The following PKHD1 variants were observed in gnomAD, a reference collection of about 807,000 sequenced individuals.
The protein encoded by PKHD1 is fibrocystin.
In PKHD1, 291 loss-of-function variants were observed where a neutral mutation model predicts 412.0. The observed-to-expected ratio is 0.71, with a 90% CI of 0.64 to 0.78. PKHD1 has a LOEUF of 0.78. PKHD1 is among the 30% of genes least tolerant of loss of function. The probability of loss-of-function intolerance (pLI) is 0.00; values close to 1 mark genes in which losing one functional copy is unlikely to be tolerated. For missense variants in PKHD1, 4,825 were observed against 4,950.7 expected (o/e 0.97, Z 0.76); for synonymous variants, 1,777 against 1,821.5 (o/e 0.98, Z 0.62).
At chr6:51,794,444 T>C (rs1467218408) in intron 52 of PKHD1, among the ~76,000 whole-genome samples, 1 of 152,200 alleles carries the variant, frequency 6.6e-6, no homozygotes, top group Admixed American at 6.5e-5. Flanking sequence ...GATGCATAGA[T>C]TGCAAAATTT....
chr6:52,025,451 A>C lies in PKHD1; in HGVS notation c.4359T>G (p.Pro1453=). 6.2e-7 allele frequency: 1 copy of C among 1,607,210 alleles called. No individual in the cohort carries two copies. Residue 1453 remains proline, a synonymous_variant, in exon 32 of 67, where the codon CCT becomes CCG. Transcript: ENST00000371117. ...TGACGTTCAGGGAGAAGGAAGCTCC[A>C]GGCAAGGGGTCACCCTCCAGGCTAA... ...CQVSLEGDPL[P]GASFSLNVTV...
intron 52 of PKHD1, among the ~76,000 whole-genome samples, chr6:51,830,145 A>C (rs530795688): frequency 6.6e-6 from 1 of 152,284 alleles, no homozygotes; most frequent in Non-Finnish European, 1.5e-5. Flanking sequence ...TAAGAGGTTC[A>C]AATTAAACCA....
At chr6:51,813,562 G>A (rs898818151) in intron 52 of PKHD1, among the ~76,000 whole-genome samples, 2 of 151,612 alleles carry the variant, frequency 1.3e-5, no homozygotes, top group Non-Finnish European at 2.9e-5. Context: ...TTTTTTACTG[G>A]TAATATTTTG....
intron 41 of PKHD1, 21 bp downstream of exon 41, chr6:51,906,194 C>T: frequency 6.2e-7 from 1 of 1,605,564 alleles, no homozygotes; most frequent in Non-Finnish European, 8.5e-7. Context: ...TGCAGAAATT[C>T]AACAAGCTTG....
rs1767886464 is a variant in PKHD1 at position 51,631,219 on chromosome 6, CA to C, written c.11665+1345del. Among the ~76,000 whole-genome samples, 2 of 152,126 alleles carry C rather than the reference CA, an allele frequency of 1.3e-5. 1 individual carries two copies. Among genetic ancestry groups the C allele is most frequent in the South Asian group, 4.1e-4 (2 of 4,826 alleles). The stretch of plus-strand genomic sequence containing the variant: ...TAAAAATTTATGAAAATTCTACTTA[CA>C]AGCAGACAGCACTACATACACTGAA... On this transcript the variant is annotated intron_variant, in intron 65 of 66. Transcript: ENST00000371117.
chr6:51,849,260 C>A (rs575693497), intron 49 of PKHD1, among the ~76,000 whole-genome samples: 1 of 152,156 alleles, frequency 6.6e-6, no homozygotes, highest in Non-Finnish European at 1.5e-5. Flanking sequence ...GCATAGTATT[C>A]CATGATGTGT....
In PKHD1 at chr6:52,053,171, G is replaced by A; in HGVS notation, c.2045C>T (p.Pro682Leu). Reference protein sequence around the residue: ...GDLQPPPANSPVLVHQINLLP... With the variant: ...GDLQPPPANSLVLVHQINLLP... ...AAGGTTGATCTGATGAACCAGCACT[G>A]GGGAGTTTGCCGGAGGGGGCTGGAG... Residue 682 changes from proline to leucine, a missense_variant, in exon 21 of 67, where the codon CCA (proline) becomes CTA (leucine). Coordinates refer to ENST00000371117, the MANE Select transcript of PKHD1 (RefSeq NM_138694.4). The A allele has an allele frequency of 6.2e-7, 1 of 1,614,110 alleles. No homozygotes were observed. Among genetic ancestry groups the A allele is most frequent in the Non-Finnish European group, 8.5e-7 (1 of 1,179,940 alleles).
At chr6:51,841,171 G>A (rs1451875012) in intron 50 of PKHD1, among the ~76,000 whole-genome samples, 11 of 152,044 alleles carry the variant, frequency 7.2e-5, no homozygotes. Context: ...TAAAAGGTTA[G>A]GTATATAAGC....
At chr6:51,707,416 T>C (rs112327825) in intron 60 of PKHD1, among the ~76,000 whole-genome samples, 3,861 of 152,228 alleles carry the variant, frequency 0.025, 181 homozygotes, top group African/African-American at 0.088. Flanking sequence ...GCAAACTCAA[T>C]TTCTTCCACC....
At chr6:51,954,550 G>A (rs540847122) in intron 36 of PKHD1, among the ~76,000 whole-genome samples, 6 of 152,228 alleles carry the variant, frequency 3.9e-5, no homozygotes, top group African/African-American at 1.4e-4. Flanking sequence ...TTTCTGCTCA[G>A]ACACAAGCAC....
At chr6:51,785,858 G>A (rs745908228) in intron 53 of PKHD1, among the ~76,000 whole-genome samples, 14 of 152,010 alleles carry the variant, frequency 9.2e-5, no homozygotes, top group Admixed American at 2.6e-4. Flanking sequence ...TACATTTAGC[G>A]CAGACCTCTC....
intron 37 of PKHD1, among the ~76,000 whole-genome samples, chr6:51,927,435 A>C (rs575037185): frequency 6.6e-6 from 1 of 152,200 alleles, no homozygotes; most frequent in Non-Finnish European, 1.5e-5. Flanking sequence ...CCATCCCTGG[A>C]GCAGAGTCCA....
chr6:52,050,057 C>G (rs1581954331), intron 22 of PKHD1, 100 bp downstream of exon 22: 1 of 1,125,778 alleles, frequency 8.9e-7, no homozygotes, highest in East Asian at 2.4e-5. Context: ...CTTTAAGCAA[C>G]AAGACAGGTA....
intron 60 of PKHD1, among the ~76,000 whole-genome samples, chr6:51,715,623 C>A (rs1365084767): frequency 1.3e-5 from 2 of 152,148 alleles, no homozygotes; most frequent in Non-Finnish European, 2.9e-5. Flanking sequence ...CACATTTCTG[C>A]TTTGTCTTTT....
intron 55 of PKHD1, 96 bp from the exon 56 acceptor site, chr6:51,755,034 CAT>C: frequency 1.0e-6 from 1 of 998,978 alleles, no homozygotes; most frequent in South Asian, 1.3e-5. Flanking sequence ...CTGTGACCAA[CAT>C]ATCCCACCAG....
intron 60 of PKHD1, among the ~76,000 whole-genome samples, chr6:51,666,798 G>A (rs1204098113): frequency 6.7e-6 from 1 of 149,870 alleles, no homozygotes; most frequent in Non-Finnish European, 1.5e-5. Flanking sequence ...TGCAGTGTTT[G>A]GTTTTTTGTT....
chr6:51,789,788 G>A (rs957584572), intron 53 of PKHD1, among the ~76,000 whole-genome samples: 2 of 152,058 alleles, frequency 1.3e-5, no homozygotes, highest in African/African-American at 4.8e-5. Context: ...TAAACTGTAT[G>A]ACCTAAAACA....
At chr6:51,841,846 G>A (rs954565530) in intron 50 of PKHD1, among the ~76,000 whole-genome samples, 2 of 152,230 alleles carry the variant, frequency 1.3e-5, no homozygotes. Context: ...TATGCAAGCA[G>A]CCTGCTTGGC....
At chr6:51,645,747 TCTCATCTAAAATAGCAA>T (rs1178124910) in intron 63 of PKHD1, among the ~76,000 whole-genome samples, 4 of 152,330 alleles carry the variant, frequency 2.6e-5, no homozygotes, top group Non-Finnish European at 4.4e-5. Context: ...ATAAATTATT[TCTCATCTAAAATAGCAA>T]CACAATATTT....
Sources: gnomAD v4.1 joint callset for allele counts (sites outside exome capture counted in the v4.1 genomes callset) on GRCh38, gnomAD v4.1.1 for gene constraint, MANE v1.5 for transcripts, NCBI Gene and HGNC (gene_info 2026-07-23, HGNC 2026-07-21) for gene names.